The following FHIT variants were observed in gnomAD, a reference collection of about 807,000 sequenced individuals.
FHIT encodes the protein fragile histidine triad diadenosine triphosphatase, also known as bis(5'-adenosyl)-triphosphatase.
In FHIT, 19 loss-of-function variants were observed where a neutral mutation model predicts 17.9. The observed-to-expected ratio is 1.06, with a 90% CI of 0.74 to 1.56. The LOEUF is 1.56. Ranked by LOEUF, FHIT falls within the 40% of genes most tolerant of loss-of-function variation. The pLI is 0.00. For synonymous variants in FHIT, 81 were observed against 69.7 expected (o/e 1.16, Z -0.81); for missense variants, 248 against 189.2 (o/e 1.31, Z -1.82).
intron 2 of FHIT, among the ~76,000 whole-genome samples, chr3:61,189,073 T>G (rs1282548002): frequency 3.3e-5 from 5 of 152,118 alleles, no homozygotes; most frequent in Non-Finnish European, 7.3e-5. Flanking sequence ...GTGTTGGAAT[T>G]TCTGGCCAGG....
At chr3:60,245,518 G>A (rs1705347991) in intron 5 of FHIT, among the ~76,000 whole-genome samples, 1 of 151,928 alleles carries the variant, frequency 6.6e-6, no homozygotes, top group South Asian at 2.1e-4. Context: ...ACCAACAAGT[G>A]ACTAACTGAA....
intron 8 of FHIT, among the ~76,000 whole-genome samples, chr3:59,830,202 T>C (rs963247051): frequency 6.6e-6 from 1 of 152,194 alleles, no homozygotes; most frequent in Non-Finnish European, 1.5e-5. Context: ...ACTGCTAAGA[T>C]AACCAAAGTA....
At chr3:60,587,989 A>G (rs1265451468) in intron 4 of FHIT, among the ~76,000 whole-genome samples, 2 of 151,658 alleles carry the variant, frequency 1.3e-5, no homozygotes, top group East Asian at 1.9e-4. Flanking sequence ...CTCTTCTGTC[A>G]TGCCTTTTCC....
intron 5 of FHIT, among the ~76,000 whole-genome samples, chr3:60,151,231 TTCTAAAG>T (rs1439261203): frequency 5.3e-5 from 8 of 152,108 alleles, no homozygotes; most frequent in Non-Finnish European, 2.9e-5. Flanking sequence ...AAAAAATAGG[TTCTAAAG>T]TCAGTACATA....
At chr3:61,026,436 G>A (rs1472460423) in intron 3 of FHIT, among the ~76,000 whole-genome samples, 1 of 152,186 alleles carries the variant, frequency 6.6e-6, no homozygotes, top group Non-Finnish European at 1.5e-5. Flanking sequence ...TGCATGTAAA[G>A]CTGTTACCAT....
intron 7 of FHIT, among the ~76,000 whole-genome samples, chr3:59,927,987 G>C (rs962570531): frequency 6.6e-6 from 1 of 152,088 alleles, no homozygotes; most frequent in Non-Finnish European, 1.5e-5. Context: ...CTTTTTCCTT[G>C]TCAGAATATA....
chr3:60,364,743 A>T lies in FHIT; in HGVS notation c.103+172117T>A, dbSNP rs141589316. On this transcript the variant is annotated intron_variant, in intron 5 of 9. Coordinates refer to ENST00000492590, the MANE Select transcript of FHIT (RefSeq NM_002012.4). ...GAAGAGAATAGCATTTGAATTGGTG[A>T]ACTGAGTACAACAGATATCCTTTCC... 9.0e-3 allele frequency among the ~76,000 whole-genome samples: 1,371 copies of T among 152,290 alleles called. 19 individuals carry two copies. The highest frequency in any genetic ancestry group is 0.032 in the African/African-American group (1,313 of 41,562).
chr3:60,045,962 T>C lies in FHIT; in HGVS notation c.104-31810A>G, dbSNP rs1308009349. ...TTAGGGTGGAGATTCTGTACATTTC[T>C]ACAGCCAACTCTAATTTTTGGTTAC... On this transcript the variant is annotated intron_variant, in intron 5 of 9. Transcript: ENST00000492590. 2.6e-5 allele frequency among the ~76,000 whole-genome samples: 4 copies of C among 152,232 alleles called. No individual in the cohort carries two copies. The South Asian group carries it at 6.2e-4, about 24-fold the overall frequency.
chr3:60,959,750 T>A (rs782604737), intron 3 of FHIT, among the ~76,000 whole-genome samples: 2 of 151,148 alleles, frequency 1.3e-5, no homozygotes, highest in Non-Finnish European at 2.9e-5. Flanking sequence ...GCAGTGTAGT[T>A]TGCGTGCAAA....
chr3:59,818,601 C>T (rs1700685827), intron 8 of FHIT, among the ~76,000 whole-genome samples: 1 of 152,200 alleles, frequency 6.6e-6, no homozygotes, highest in Non-Finnish European at 1.5e-5. Flanking sequence ...TGTGACCCGG[C>T]AGCCCTTTAC....
At chr3:59,802,782 G>T (rs1700051320) in intron 8 of FHIT, among the ~76,000 whole-genome samples, 1 of 152,190 alleles carries the variant, frequency 6.6e-6, no homozygotes, top group Non-Finnish European at 1.5e-5. Context: ...GTTCATTGAG[G>T]GCCAGAAACT....
chr3:60,866,054 G>T (rs1487928922), intron 3 of FHIT, among the ~76,000 whole-genome samples: 1 of 152,142 alleles, frequency 6.6e-6, no homozygotes, highest in Non-Finnish European at 1.5e-5. Flanking sequence ...CTGAATCAGA[G>T]ATGCCTGTCA....
intron 4 of FHIT, among the ~76,000 whole-genome samples, chr3:60,547,187 A>T (rs2036395588): frequency 6.6e-6 from 1 of 152,218 alleles, no homozygotes; most frequent in Non-Finnish European, 1.5e-5. Flanking sequence ...TCTTTCTACC[A>T]AATATAAAGA....
chr3:60,773,000 C>T (rs1167202985), intron 4 of FHIT, among the ~76,000 whole-genome samples: 2 of 152,166 alleles, frequency 1.3e-5, no homozygotes, highest in Non-Finnish European at 2.9e-5. Flanking sequence ...AAGCCCCTAA[C>T]CTACAAGCCT....
chr3:60,231,961 G>A (rs1414363210), intron 5 of FHIT, among the ~76,000 whole-genome samples: 1 of 152,154 alleles, frequency 6.6e-6, no homozygotes, highest in Non-Finnish European at 1.5e-5. Context: ...ATAAAATAAG[G>A]AGGGAAGGGG....
At chr3:60,675,463 A>G (rs1321974168) in intron 4 of FHIT, among the ~76,000 whole-genome samples, 1 of 152,240 alleles carries the variant, frequency 6.6e-6, no homozygotes, top group Non-Finnish European at 1.5e-5. Flanking sequence ...GAGGAAGCTC[A>G]AGTTCTCCCA....
intron 5 of FHIT, among the ~76,000 whole-genome samples, chr3:60,117,050 AAGTC>A (rs1559646922): frequency 6.6e-6 from 1 of 152,062 alleles, no homozygotes; most frequent in African/African-American, 2.4e-5. Context: ...TTAAATTAGA[AAGTC>A]AGCAAAAAGA....
At chr3:60,117,215 C>T (rs191323012) in intron 5 of FHIT, among the ~76,000 whole-genome samples, 24 of 136,366 alleles carry the variant, frequency 1.8e-4, no homozygotes, top group African/African-American at 5.6e-4. Flanking sequence ...ATTTCTTCCC[C>T]GGCCTGGGAG....
At chr3:59,918,365 G>A (rs1288163411) in intron 8 of FHIT, among the ~76,000 whole-genome samples, 4 of 152,124 alleles carry the variant, frequency 2.6e-5, no homozygotes, top group Non-Finnish European at 4.4e-5. Context: ...AAGTGTGGGA[G>A]GTGTTAAGAA....
Sources: gnomAD v4.1 joint callset for allele counts (sites outside exome capture counted in the v4.1 genomes callset) on GRCh38, gnomAD v4.1.1 for gene constraint, MANE v1.5 for transcripts, NCBI Gene and HGNC (gene_info 2026-07-23, HGNC 2026-07-21) for gene names.